Variants in COL26A1 observed in about 807,000 individuals in gnomAD.
The protein encoded by COL26A1 is collagen alpha-1(XXVI) chain.
Under a neutral mutation model 59.3 loss-of-function variants are expected in COL26A1, and 41 were observed. That is an observed-to-expected ratio of 0.69 (90% confidence interval 0.54 to 0.90). The LOEUF (loss-of-function observed/expected upper bound fraction) is 0.90. Ranked by LOEUF, COL26A1 falls within the 40% of genes least tolerant of loss-of-function variation. The pLI, the probability that COL26A1 is intolerant of heterozygous loss-of-function variation, is 0.00. For synonymous variants in COL26A1, 266 were observed against 256.0 expected, an observed-to-expected ratio of 1.04 and a Z score of -0.37; for missense variants, 612 against 602.3, an observed-to-expected ratio of 1.02 and a Z score of -0.17.
chr7:101,473,618 A>ACG (rs1424998874), intron 3 of COL26A1, among the ~76,000 whole-genome samples: 1 of 48,288 alleles, frequency 2.1e-5, no homozygotes, highest in Admixed American at 1.9e-4. Flanking sequence ...CCACACACAC[A>ACG]CACACACACA....
chr7:101,557,759 C>T lies in COL26A1; in HGVS notation c.*229C>T. On this transcript the variant is annotated 3_prime_UTR_variant, in exon 13 of 13. Coordinates refer to ENST00000313669, the MANE Select transcript of COL26A1 (RefSeq NM_001278563.3). Reference sequence around the variant, plus strand: ...CCTGTCCCCTCCCCTACCCCCACTCCCGGCTGGAGACGGGGTCTGGGTGGG... The same window carrying T: ...CCTGTCCCCTCCCCTACCCCCACTCTCGGCTGGAGACGGGGTCTGGGTGGG... 2.1e-6 allele frequency: 1 copy of T among 468,010 alleles called. No homozygotes were observed. The highest frequency in any genetic ancestry group is 3.8e-6 in the Non-Finnish European group (1 of 265,482). The allele number at this position is 468,010 out of a possible 1,614,324, so 29.0% of individuals were successfully genotyped here.
rs1338234228 is a variant in COL26A1, at chr7:101,513,156, G to A, written c.386-19926G>A. Among the ~76,000 whole-genome samples, 7 of 151,646 alleles carry A rather than the reference G, an allele frequency of 4.6e-5. 1 individual carries two copies. The highest frequency in any genetic ancestry group is 4.2e-4 in the South Asian group (2 of 4,798). The stretch of plus-strand genomic sequence containing the variant: ...AGAGTAGCTGGGATTACAGGCATGC[G>A]CCACCACACCCGGCTAATTTTTTTG... On this transcript the variant is annotated intron_variant, in intron 3 of 12. Transcript: ENST00000313669.
At chr7:101,414,079 G>A (rs1792311822) in intron 1 of COL26A1, among the ~76,000 whole-genome samples, 1 of 152,146 alleles carries the variant, frequency 6.6e-6, no homozygotes, top group Admixed American at 6.6e-5. Context: ...GGCTACCTGG[G>A]GATGCACAGG....
intron 3 of COL26A1, among the ~76,000 whole-genome samples, chr7:101,528,993 C>T (rs544072497): frequency 6.6e-6 from 1 of 152,178 alleles, no homozygotes; most frequent in South Asian, 2.1e-4. Context: ...CAGCGAAACC[C>T]TATCTCTACT....
At position 101,404,631 on chromosome 7, in the gene COL26A1, C is replaced by T. The variant is rs143656389; in HGVS notation, c.159-15346C>T. ...TATAAATAGGCCAGGCACAGTGGCTCATACCTGGAATCCCATCTCTTTAGG... is the reference window on the plus strand; with the variant it reads ...TATAAATAGGCCAGGCACAGTGGCTTATACCTGGAATCCCATCTCTTTAGG... On this transcript the variant is annotated intron_variant, in intron 1 of 12. Coordinates refer to ENST00000313669, the MANE Select transcript of COL26A1 (RefSeq NM_001278563.3). Among the ~76,000 whole-genome samples the T allele has an allele frequency of 3.4e-3, 522 of 152,358 alleles. 3 individuals are homozygous for T. Among genetic ancestry groups the T allele is most frequent in the African/African-American group, 0.012 (485 of 41,590 alleles).
intron 1 of COL26A1, among the ~76,000 whole-genome samples, chr7:101,409,863 C>T (rs543989488): frequency 6.6e-6 from 1 of 152,224 alleles, no homozygotes; most frequent in African/African-American, 2.4e-5. Flanking sequence ...CGGGTTCATG[C>T]CATTCTCCTG....
intron 3 of COL26A1, among the ~76,000 whole-genome samples, chr7:101,489,917 T>G (rs1474633079): frequency 3.9e-5 from 4 of 101,852 alleles, no homozygotes; most frequent in Non-Finnish European, 7.5e-5. Flanking sequence ...TTTCTTTCTT[T>G]CTTGTCTCTC....
At chr7:101,460,396 T>A (rs1378694439) in intron 3 of COL26A1, among the ~76,000 whole-genome samples, 1 of 152,182 alleles carries the variant, frequency 6.6e-6, no homozygotes, top group Non-Finnish European at 1.5e-5. Flanking sequence ...CACTTCACCA[T>A]GCATCCTCTC....
chr7:101,537,756 C>T (rs770731270), intron 4 of COL26A1, among the ~76,000 whole-genome samples: 1 of 152,092 alleles, frequency 6.6e-6, no homozygotes, highest in Non-Finnish European at 1.5e-5. Context: ...GAGGCCAAGG[C>T]GGGACCCCTC....
intron 1 of COL26A1, among the ~76,000 whole-genome samples, chr7:101,414,531 G>C (rs563590773): frequency 6.6e-6 from 1 of 151,994 alleles, no homozygotes. Context: ...TCTACCTCCC[G>C]GGCTCAAGCA....
chr7:101,506,929 T>TC (rs1794823487), intron 3 of COL26A1, among the ~76,000 whole-genome samples: 1 of 105,916 alleles, frequency 9.4e-6, no homozygotes, highest in African/African-American at 9.2e-5. Context: ...GAACCACTCC[T>TC]TTTTTTTTTC....
intron 12 of COL26A1, among the ~76,000 whole-genome samples, chr7:101,556,914 T>TGGATGGAC (rs1795989089): frequency 6.6e-6 from 1 of 150,840 alleles, no homozygotes; most frequent in Admixed American, 6.6e-5. Flanking sequence ...GATGGATGGA[T>TGGATGGAC]GGATGGATGG....
intron 2 of COL26A1, among the ~76,000 whole-genome samples, chr7:101,438,998 T>A (rs1792983441): frequency 6.6e-6 from 1 of 152,174 alleles, no homozygotes; most frequent in African/African-American, 2.4e-5. Context: ...CCTGAGCTGA[T>A]TTTGCCATCC....
chr7:101,434,683 G>A (rs1792874325), intron 2 of COL26A1, among the ~76,000 whole-genome samples: 1 of 152,174 alleles, frequency 6.6e-6, no homozygotes. Context: ...AGGGTGCGAG[G>A]CAGGGTGCCC....
chr7:101,413,365 AAATAT>A (rs1259063271), intron 1 of COL26A1, among the ~76,000 whole-genome samples: 3 of 152,096 alleles, frequency 2.0e-5, no homozygotes, highest in Non-Finnish European at 4.4e-5. Context: ...TAAAAATACA[AAATAT>A]TAGCCGGGTA....
At chr7:101,463,807 T>C in intron 3 of COL26A1, among the ~76,000 whole-genome samples, 3 of 80,858 alleles carry the variant, frequency 3.7e-5, no homozygotes, top group African/African-American at 1.5e-4. Flanking sequence ...CTCTCTCTCT[T>C]TCTTCCCTCC....
chr7:101,375,084 TA>T (rs888557943), intron 1 of COL26A1, among the ~76,000 whole-genome samples: 2 of 149,686 alleles, frequency 1.3e-5, no homozygotes, highest in African/African-American at 4.9e-5. Flanking sequence ...TTTAAATAAA[TA>T]AAAAAAAAGA....
At chr7:101,496,570 C>T (rs1718153800) in intron 3 of COL26A1, among the ~76,000 whole-genome samples, 1 of 152,030 alleles carries the variant, frequency 6.6e-6, no homozygotes, top group African/African-American at 2.4e-5. Flanking sequence ...TCTTCAAACT[C>T]CACAGGAAAG....
At chr7:101,504,321 A>C (rs1279212338) in intron 3 of COL26A1, among the ~76,000 whole-genome samples, 1 of 151,926 alleles carries the variant, frequency 6.6e-6, no homozygotes, top group African/African-American at 2.4e-5. Flanking sequence ...GGCTGCTCTC[A>C]AACTCCTGAC....
Sources: gnomAD v4.1 joint callset for allele counts (sites outside exome capture counted in the v4.1 genomes callset) on GRCh38, gnomAD v4.1.1 for gene constraint, MANE v1.5 for transcripts, NCBI Gene and HGNC (gene_info 2026-07-23, HGNC 2026-07-21) for gene names.